Variants in UBR3 observed in about 807,000 individuals in gnomAD.
UBR3 encodes the protein ubiquitin protein ligase E3 component n-recognin 3.
A neutral mutation model predicts 243.2 loss-of-function variants in UBR3; 85 were observed. The ratio of observed to expected loss-of-function variants is 0.35; its 90% CI spans 0.29 to 0.42. The LOEUF (loss-of-function observed/expected upper bound fraction) is 0.42, where lower values mean the gene tolerates loss of function less well. Among genes scored for constraint, UBR3 ranks in the 10% least tolerant of loss-of-function variants. UBR3 has a pLI of 1.00. For synonymous variants in UBR3, 748 were observed against 799.8 expected (o/e 0.94, Z 1.09); for missense variants, 1,686 against 2,300.8 (o/e 0.73, Z 5.47).
At chr2:170,048,936 T>G (rs776419691) in intron 32 of UBR3, among the ~76,000 whole-genome samples, 13 of 152,186 alleles carry the variant, frequency 8.5e-5, no homozygotes, top group Admixed American at 2.6e-4. Flanking sequence ...TTCATAATTT[T>G]TATTATAATT....
At chr2:169,917,120 G>T (rs761325506) in intron 11 of UBR3, among the ~76,000 whole-genome samples, 5 of 152,100 alleles carry the variant, frequency 3.3e-5, no homozygotes, top group Non-Finnish European at 5.9e-5. Context: ...ATTTGTGTCA[G>T]CTCTTAGCCT....
At chr2:170,037,446 G>A (rs1296321289) in intron 31 of UBR3, among the ~76,000 whole-genome samples, 1 of 152,016 alleles carries the variant, frequency 6.6e-6, no homozygotes, top group Non-Finnish European at 1.5e-5. Flanking sequence ...GGAATGCAGT[G>A]GTGTGATCTT....
At chr2:170,022,100 C>T (rs1175082449) in intron 30 of UBR3, among the ~76,000 whole-genome samples, 1 of 152,074 alleles carries the variant, frequency 6.6e-6, no homozygotes, top group Admixed American at 6.6e-5. Context: ...GACCTCTCTT[C>T]CTAGGACTAC....
chr2:169,937,039 TA>T (rs2086365580), intron 19 of UBR3, among the ~76,000 whole-genome samples: 1 of 152,240 alleles, frequency 6.6e-6, no homozygotes, highest in Non-Finnish European at 1.5e-5. Context: ...ATATACCCAG[TA>T]ATAGGATGGC....
chr2:169,857,211 C>G, intron 1 of UBR3, among the ~76,000 whole-genome samples: 1 of 149,674 alleles, frequency 6.7e-6, no homozygotes, highest in East Asian at 2.0e-4. Flanking sequence ...GTAGCTGGGA[C>G]TTACAGGCAC....
chr2:169,889,661 G>A (rs2084250016), intron 5 of UBR3, among the ~76,000 whole-genome samples: 2 of 152,182 alleles, frequency 1.3e-5, no homozygotes, highest in Non-Finnish European at 2.9e-5. Context: ...AGAGAGGCCT[G>A]GCAAAGGTGG....
At chr2:169,995,565 C>T (rs1882357) in intron 26 of UBR3, among the ~76,000 whole-genome samples, 83,282 of 152,030 alleles carry the variant, frequency 0.55, 23,256 homozygotes, top group Middle Eastern at 0.63. Flanking sequence ...CAAGAACCTA[C>T]TGATAACATT....
chr2:170,013,781 G>A, intron 29 of UBR3: 1 of 334,994 alleles, frequency 3.0e-6, no homozygotes, highest in Admixed American at 3.1e-5. Flanking sequence ...TCTCTTAAAA[G>A]TACTATCTAG....
At chr2:169,868,322 C>T (rs1398171192) in intron 1 of UBR3, among the ~76,000 whole-genome samples, 1 of 152,150 alleles carries the variant, frequency 6.6e-6, no homozygotes, top group Non-Finnish European at 1.5e-5. Flanking sequence ...GTCTAAAAGA[C>T]AGGGAATTTA....
chr2:169,966,834 T>C (rs1323059476), intron 24 of UBR3, among the ~76,000 whole-genome samples: 2 of 152,210 alleles, frequency 1.3e-5, no homozygotes, highest in Admixed American at 6.5e-5. Context: ...ATCATTTTTA[T>C]TCTACAGCTT....
chr2:170,013,480 C>A (rs979671625), intron 29 of UBR3, among the ~76,000 whole-genome samples: 2 of 152,034 alleles, frequency 1.3e-5, no homozygotes, highest in African/African-American at 4.8e-5. Context: ...GATATTATTA[C>A]ACATTAATCC....
intron 1 of UBR3, among the ~76,000 whole-genome samples, chr2:169,829,260 A>G (rs986430397): frequency 3.3e-5 from 5 of 152,122 alleles, no homozygotes; most frequent in African/African-American, 9.7e-5. Flanking sequence ...CCCTTACTCT[A>G]CTTGCACTGG....
Position 169,994,350 on chromosome 2 carries a change from A to C in UBR3, c.3812A>C (p.Glu1271Ala). Residue 1271 changes from glutamate to alanine, a missense_variant, in exon 26 of 39, where the codon GAG (glutamate) becomes GCG (alanine). By Grantham distance (107) the Glu-to-Ala change is moderately radical. Coordinates refer to ENST00000272793, the MANE Select transcript of UBR3 (RefSeq NM_172070.4). ...SVLGQCRDNV[E>A]PKKLPISEEE... ...TTGGGGCAGTGCCGTGACAATGTTG[A>C]GCCAAAAAAGTTGCCGATCAGTGAA... The C allele has an allele frequency of 6.2e-7, 1 of 1,614,132 alleles. No individual in the cohort carries two copies. Among genetic ancestry groups the C allele is most frequent in the South Asian group, 1.1e-5 (1 of 91,078 alleles).
At chr2:169,856,333 C>G (rs1260830708) in intron 1 of UBR3, among the ~76,000 whole-genome samples, 1 of 151,074 alleles carries the variant, frequency 6.6e-6, no homozygotes, top group Non-Finnish European at 1.5e-5. Flanking sequence ...GGAAGAGGCA[C>G]TCCTCACTTC....
intron 1 of UBR3, among the ~76,000 whole-genome samples, chr2:169,870,837 A>G (rs933688906): frequency 9.2e-5 from 14 of 151,888 alleles, no homozygotes; most frequent in Non-Finnish European, 2.1e-4. Flanking sequence ...TATTTTTAGT[A>G]GAGATGGGGT....
At chr2:169,976,720 T>A (rs4667612) in intron 24 of UBR3, among the ~76,000 whole-genome samples, 122,507 of 151,966 alleles carry the variant, frequency 0.81, 49,822 homozygotes, top group Middle Eastern at 0.89. Flanking sequence ...CAATTTGACT[T>A]TGTTTGCCTT....
chr2:169,982,479 C>T (rs1162483838), intron 24 of UBR3, among the ~76,000 whole-genome samples: 1 of 151,838 alleles, frequency 6.6e-6, no homozygotes, highest in Non-Finnish European at 1.5e-5. Context: ...AATATTAGAA[C>T]AGGAAATTTT....
intron 36 of UBR3, among the ~76,000 whole-genome samples, chr2:170,074,530 A>G (rs2091765687): frequency 6.6e-6 from 1 of 152,152 alleles, no homozygotes; most frequent in African/African-American, 2.4e-5. Flanking sequence ...TCCCTCTGCC[A>G]TTACCTTGCT....
rs542193330 is a variant in UBR3, at chr2:169,983,786, C to A, written c.3635-2859C>A. Among the ~76,000 whole-genome samples the A allele has an allele frequency of 8.5e-5, 13 of 152,246 alleles. No individual in the cohort carries two copies. The South Asian group carries it at 2.5e-3, about 29-fold the overall frequency. On this transcript the variant is annotated intron_variant, in intron 24 of 38. Transcript: ENST00000272793. ...AGATTCTTTTCTGTTCATGTAAAAC[C>A]AAACAGATAAATTAACTATTGCTTT... is the stretch of plus-strand genomic sequence containing the variant.
Sources: allele counts gnomAD v4.1 joint callset (sites outside exome capture counted in the v4.1 genomes callset), GRCh38; gene constraint gnomAD v4.1.1; transcripts MANE v1.5; gene names NCBI Gene and HGNC (gene_info 2026-07-23, HGNC 2026-07-21).